LRP1B: variants seen among roughly 807,000 people sequenced by gnomAD.
LRP1B encodes low-density lipoprotein receptor-related protein 1B.
In LRP1B, 217 loss-of-function variants were observed where a neutral mutation model predicts 556.6. The observed-to-expected ratio is 0.39, with a 90% CI of 0.35 to 0.44. LRP1B has a LOEUF of 0.44. Among genes scored for constraint, LRP1B ranks in the 20% least tolerant of loss-of-function variants. The pLI is 1.00. For missense variants in LRP1B, 5,053 were observed against 5,620.8 expected, an observed-to-expected ratio of 0.90 and a Z score of 3.23; for synonymous variants, 2,047 against 1,865.8, an observed-to-expected ratio of 1.10 and a Z score of -2.50.
intron 2 of LRP1B, among the ~76,000 whole-genome samples, chr2:141,785,207 C>T (rs1181502885): frequency 6.6e-6 from 1 of 151,930 alleles, no homozygotes; most frequent in Non-Finnish European, 1.5e-5. Flanking sequence ...CAGTGATGAC[C>T]TTGGAAACCA....
intron 2 of LRP1B, among the ~76,000 whole-genome samples, chr2:141,769,958 C>T (rs192325825): frequency 3.3e-5 from 5 of 152,212 alleles, no homozygotes; most frequent in South Asian, 4.1e-4. Context: ...GGCAAAATGC[C>T]TTAGAGTACC....
chr2:141,136,110 AT>A (rs914272539), intron 7 of LRP1B, among the ~76,000 whole-genome samples: 8 of 151,868 alleles, frequency 5.3e-5, no homozygotes, highest in Admixed American at 4.6e-4. Flanking sequence ...ATATTAAAGC[AT>A]TTTTTTAAAT....
intron 1 of LRP1B, among the ~76,000 whole-genome samples, chr2:141,958,653 G>A (rs766788602): frequency 6.6e-5 from 10 of 151,766 alleles, no homozygotes; most frequent in South Asian, 2.1e-4. Context: ...TCTGTTTGTC[G>A]TCTGTAAGGC....
At position 140,373,110 on chromosome 2, in the gene LRP1B, C is replaced by A; in HGVS notation, c.10666G>T (p.Asp3556Tyr). The stretch of plus-strand genomic sequence containing the variant: ...TGACCATTGGAACACCGGAACTGAT[C>A]TTTGGAACAACTTGTCTCACAATTT... ...ERNCETSCSK[D>Y]QFRCSNGQCI... The change falls in exon 69 of 91, where the codon GAT (aspartate) becomes TAT (tyrosine). Residue 3556 changes from aspartate to tyrosine, a missense_variant. Coordinates refer to ENST00000389484, the MANE Select transcript of LRP1B (RefSeq NM_018557.3). 3.1e-6 allele frequency: 5 copies of A among 1,613,196 alleles called. No homozygotes were observed. The highest frequency in any genetic ancestry group is 4.2e-6 in the Non-Finnish European group (5 of 1,179,512).
intron 7 of LRP1B, among the ~76,000 whole-genome samples, chr2:141,105,756 T>C (rs1416907640): frequency 1.3e-5 from 2 of 152,190 alleles, no homozygotes; most frequent in East Asian, 3.8e-4. Context: ...GTATACCTGT[T>C]TTGAATAAGA....
In LRP1B at chr2:141,424,113, C is replaced by CTTTTTT. The variant is rs11465120; in HGVS notation, c.343+56277_343+56282dup. Among the ~76,000 whole-genome samples, 9 of 137,002 alleles carry CTTTTTT rather than the reference C, an allele frequency of 6.6e-5. 1 individual carries two copies. Among genetic ancestry groups the CTTTTTT allele is most frequent in the African/African-American group, 1.4e-4 (5 of 36,860 alleles). The allele number at this position is 137,002 out of a possible 152,430, so 89.9% of individuals were successfully genotyped here. A position where few individuals can be genotyped will look rare whatever the true frequency, so the allele number is the denominator to read the frequency against. On this transcript the variant is annotated intron_variant, in intron 3 of 90. Coordinates refer to ENST00000389484, the MANE Select transcript of LRP1B (RefSeq NM_018557.3). ...GGAGTTAACTATTACAAGCCTTCAT[C>CTTTTTT]TTTTTTTTTTTTTTTTTGAGATGGG...
intron 3 of LRP1B, among the ~76,000 whole-genome samples, chr2:141,378,787 T>C (rs147468596): frequency 6.6e-6 from 1 of 152,122 alleles, no homozygotes; most frequent in East Asian, 1.9e-4. Context: ...AAAGAATACA[T>C]GAACTTTAAG....
At chr2:140,595,344 C>CA (rs1221550822) in intron 43 of LRP1B, among the ~76,000 whole-genome samples, 2 of 151,542 alleles carry the variant, frequency 1.3e-5, no homozygotes, top group Non-Finnish European at 1.5e-5. Context: ...GATTTCAAGG[C>CA]AAATCTAGGT....
chr2:140,613,766 G>A (rs1683165254), intron 41 of LRP1B, among the ~76,000 whole-genome samples: 1 of 151,966 alleles, frequency 6.6e-6, no homozygotes, highest in Admixed American at 6.6e-5. Context: ...TAATGTGCCT[G>A]CCCCAGAAAA....
intron 3 of LRP1B, among the ~76,000 whole-genome samples, chr2:141,275,170 T>C (rs1296323760): frequency 2.6e-5 from 4 of 152,330 alleles, no homozygotes; most frequent in Non-Finnish European, 5.9e-5. Flanking sequence ...TCAGAAGTTG[T>C]ATCACCAATA....
intron 84 of LRP1B, among the ~76,000 whole-genome samples, chr2:140,291,318 A>ATATATATATATATTTT (rs369391920): frequency 6.4e-5 from 7 of 109,334 alleles, no homozygotes; most frequent in African/African-American, 2.1e-4. Context: ...ATATATATAT[A>ATATATATATATATTTT]TTTTTATTAT....
intron 7 of LRP1B, among the ~76,000 whole-genome samples, chr2:141,131,589 A>C (rs1466991130): frequency 6.6e-6 from 1 of 151,718 alleles, no homozygotes; most frequent in Non-Finnish European, 1.5e-5. Flanking sequence ...AAATATTCCA[A>C]ATGAATTAAA....
At chr2:140,536,774 A>G in intron 45 of LRP1B, 65 bp from the exon 46 acceptor site, 2 of 1,228,696 alleles carry the variant, frequency 1.6e-6, no homozygotes, top group South Asian at 3.0e-5. Flanking sequence ...ACACCACTAC[A>G]ATTATTTTTC....
intron 1 of LRP1B, among the ~76,000 whole-genome samples, chr2:142,129,567 TG>T (rs1294101466): frequency 6.6e-6 from 1 of 150,674 alleles, no homozygotes; most frequent in South Asian, 2.1e-4. Flanking sequence ...CATTGGGATC[TG>T]GGTTTCTTTC....
intron 3 of LRP1B, among the ~76,000 whole-genome samples, chr2:141,430,503 G>A (rs925755671): frequency 6.6e-6 from 1 of 151,992 alleles, no homozygotes; most frequent in African/African-American, 2.4e-5. Context: ...CTGTATATTT[G>A]GCAGGATCTT....
intron 50 of LRP1B, among the ~76,000 whole-genome samples, chr2:140,516,122 A>G (rs1288144240): frequency 6.6e-6 from 1 of 152,068 alleles, no homozygotes; most frequent in African/African-American, 2.4e-5. Flanking sequence ...TTAAAGAAAT[A>G]GAAGTTTATA....
At chr2:142,112,566 T>G (rs999230009) in intron 1 of LRP1B, among the ~76,000 whole-genome samples, 1 of 152,112 alleles carries the variant, frequency 6.6e-6, no homozygotes, top group Admixed American at 6.6e-5. Context: ...GAGGCATTTG[T>G]TCCATCTATT....
intron 37 of LRP1B, among the ~76,000 whole-genome samples, chr2:140,709,514 G>A (rs1356447421): frequency 6.6e-6 from 1 of 151,626 alleles, no homozygotes; most frequent in Non-Finnish European, 1.5e-5. Flanking sequence ...AGAGGAGGAG[G>A]AGGAGTCAAT....
At chr2:141,171,603 C>T (rs13418963) in intron 7 of LRP1B, among the ~76,000 whole-genome samples, 2,258 of 152,140 alleles carry the variant, frequency 0.015, 55 homozygotes, top group African/African-American at 0.051. Flanking sequence ...TGGAATACTG[C>T]AAAACTTCCA....
Sources: gnomAD v4.1 joint callset for allele counts (sites outside exome capture counted in the v4.1 genomes callset) on GRCh38, gnomAD v4.1.1 for gene constraint, MANE v1.5 for transcripts, NCBI Gene and HGNC (gene_info 2026-07-23, HGNC 2026-07-21) for gene names.